Variants in ANO2 observed in about 807,000 individuals in gnomAD.
ANO2 encodes the protein anoctamin 2.
Under a neutral mutation model 124.2 loss-of-function variants are expected in ANO2, and 101 were observed. The observed-to-expected ratio is 0.81, with a 90% CI of 0.69 to 0.96. The LOEUF is 0.96. Among genes scored for constraint, ANO2 ranks in the 40% least tolerant of loss-of-function variants. The pLI, the probability that ANO2 is intolerant of heterozygous loss-of-function variation, is 0.00. For synonymous variants in ANO2, 486 were observed against 482.5 expected (o/e 1.01, Z -0.09); for missense variants, 1,293 against 1,274.5 (o/e 1.01, Z -0.22).
At position 5,635,573 on chromosome 12, in the gene ANO2, A is replaced by G. The variant is rs898432979; in HGVS notation, c.1621-226T>C. On this transcript the variant is annotated intron_variant, in intron 15 of 24. Coordinates refer to ENST00000682330, the MANE Select transcript of ANO2 (RefSeq NM_001364791.2). The surrounding 1 kb of genome is among the most constrained non-coding windows in gnomAD (Gnocchi z 5.2). Reference sequence around the variant, plus strand: ...GCATTTTCCAGGGGAGAATGTCTTAATTTTTGTCAGATTCCAAATGATTTA... The same window carrying G: ...GCATTTTCCAGGGGAGAATGTCTTAGTTTTTGTCAGATTCCAAATGATTTA... Among the ~76,000 whole-genome samples the G allele has an allele frequency of 6.7e-6, 1 of 149,634 alleles. No homozygotes were observed. Among genetic ancestry groups the G allele is most frequent in the Non-Finnish European group, 1.5e-5 (1 of 67,708 alleles).
At chr12:5,729,883 T>C (rs1259416584) in intron 14 of ANO2, among the ~76,000 whole-genome samples, 2 of 152,134 alleles carry the variant, frequency 1.3e-5, no homozygotes, top group Non-Finnish European at 2.9e-5. Flanking sequence ...TAAAAAAATG[T>C]TGCGAAGTGA....
chr12:5,744,136 A>G lies in ANO2; in HGVS notation c.1351+21T>C, dbSNP rs765301053. ...TGTAAAGGAACCACCCATATAAGCA[A>G]GCCTGGTGATGGCCACATACCCCAC... On this transcript the variant is annotated intron_variant, in intron 12 of 24. Transcript: ENST00000682330. 14 of 1,613,016 alleles carry G rather than the reference A, an allele frequency of 8.7e-6. 1 individual carries two copies. The South Asian group carries it at 1.5e-4, about 18-fold the overall frequency.
intron 10 of ANO2, among the ~76,000 whole-genome samples, chr12:5,793,527 T>A (rs1253412024): frequency 6.6e-6 from 1 of 152,198 alleles, no homozygotes; most frequent in Non-Finnish European, 1.5e-5. Flanking sequence ...CAGCTTTTCC[T>A]CCCTGGGGCA....
intron 3 of ANO2, among the ~76,000 whole-genome samples, chr12:5,859,837 C>G (rs972225500): frequency 2.0e-5 from 3 of 152,120 alleles, no homozygotes; most frequent in African/African-American, 7.2e-5. Context: ...TCTGACCTGT[C>G]CATTTCTTTT....
chr12:5,945,951 G>A (rs774541473), upstream of ANO2, among the ~76,000 whole-genome samples: 1 of 152,224 alleles, frequency 6.6e-6, no homozygotes, highest in Non-Finnish European at 1.5e-5. Flanking sequence ...TCCCCAGAGG[G>A]GAAGAGGAGT....
At position 5,807,352 on chromosome 12, in the gene ANO2, G is replaced by A. The variant is rs374607322; in HGVS notation, c.909C>T (p.Ile303=). Residue 303 remains isoleucine, a synonymous_variant, in exon 8 of 25, where the codon ATC becomes ATT. Transcript: ENST00000682330. The part of the protein sequence containing the change: ...ANNTMGINSL[I]ANNIYEAAYP... The stretch of plus-strand genomic sequence containing the variant: ...AGGCAGCCTCATAGATATTGTTTGC[G>A]ATCAGAGAGTTAATACCTACGGAAG... 22 of 1,556,684 alleles carry A rather than the reference G, an allele frequency of 1.4e-5. No individual in the cohort carries two copies. The highest frequency in any genetic ancestry group is 1.7e-4 in the Middle Eastern group (1 of 6,016).
chr12:5,569,871 G>A (rs1239229606), intron 23 of ANO2, among the ~76,000 whole-genome samples: 1 of 152,076 alleles, frequency 6.6e-6, no homozygotes, highest in African/African-American at 2.4e-5. Context: ...GCTGGGGTGG[G>A]GGCTGAGAAG....
intron 7 of ANO2, among the ~76,000 whole-genome samples, chr12:5,825,807 A>G (rs1316122219): frequency 6.6e-6 from 1 of 152,200 alleles, no homozygotes; most frequent in African/African-American, 2.4e-5. Flanking sequence ...GGAAACCACA[A>G]CAGCCCAATC....
At chr12:5,792,942 C>T (rs1952739354) in intron 10 of ANO2, among the ~76,000 whole-genome samples, 1 of 152,184 alleles carries the variant, frequency 6.6e-6, no homozygotes, top group Non-Finnish European at 1.5e-5. Flanking sequence ...AAGGCTCCTC[C>T]TCTTCCAAGT....
intron 20 of ANO2, 127 bp from the exon 21 acceptor site, chr12:5,578,645 C>G: frequency 1.1e-6 from 1 of 913,434 alleles, no homozygotes; most frequent in Non-Finnish European, 1.6e-6. Flanking sequence ...AATTTTTAGT[C>G]TCCCTTTTCC....
chr12:5,816,604 A>T (rs1186774137), intron 7 of ANO2, among the ~76,000 whole-genome samples: 1 of 152,164 alleles, frequency 6.6e-6, no homozygotes, highest in Non-Finnish European at 1.5e-5. Flanking sequence ...CCCAAGTTCT[A>T]GACTCATTTC....
At chr12:5,717,567 C>T (rs995573454) in intron 14 of ANO2, among the ~76,000 whole-genome samples, 32 of 152,198 alleles carry the variant, frequency 2.1e-4, no homozygotes, top group African/African-American at 7.7e-4. Context: ...AACTTAACAT[C>T]CTGAGCTTAC....
At chr12:5,666,746 A>G (rs1947744586) in intron 14 of ANO2, among the ~76,000 whole-genome samples, 1 of 152,098 alleles carries the variant, frequency 6.6e-6, no homozygotes, top group African/African-American at 2.4e-5. Context: ...TCAACCAAAG[A>G]GCGCCTTTGC....
chr12:5,688,108 G>A (rs985143397), intron 14 of ANO2, among the ~76,000 whole-genome samples: 1 of 152,154 alleles, frequency 6.6e-6, no homozygotes, highest in Non-Finnish European at 1.5e-5. Context: ...AGACCTTGTG[G>A]GGGGAACAGA....
intron 4 of ANO2, among the ~76,000 whole-genome samples, chr12:5,838,474 T>C (rs1954399430): frequency 6.6e-6 from 1 of 152,108 alleles, no homozygotes; most frequent in African/African-American, 2.4e-5. Flanking sequence ...CAGGTTCATA[T>C]CCACAATAAA....
intron 6 of ANO2, among the ~76,000 whole-genome samples, chr12:5,828,049 G>A (rs184895786): frequency 1.3e-5 from 2 of 152,258 alleles, no homozygotes; most frequent in East Asian, 3.9e-4. Flanking sequence ...CCGCCCCTTC[G>A]CCCCACCCTG....
At chr12:5,922,573 C>T (rs1418166707) in intron 2 of ANO2, 47 bp downstream of exon 2, 2 of 1,494,854 alleles carry the variant, frequency 1.3e-6, no homozygotes, top group African/African-American at 2.8e-5. Context: ...TGGTGGCCTG[C>T]AACAGGGCTG....
chr12:5,877,246 G>C (rs1470016822), intron 3 of ANO2, among the ~76,000 whole-genome samples: 1 of 152,152 alleles, frequency 6.6e-6, no homozygotes, highest in African/African-American at 2.4e-5. Flanking sequence ...GAGAGAAGAA[G>C]GCAATGTAAA....
chr12:5,705,142 T>C (rs1449239803), intron 14 of ANO2, among the ~76,000 whole-genome samples: 2 of 152,260 alleles, frequency 1.3e-5, no homozygotes, highest in Non-Finnish European at 2.9e-5. Context: ...ATATGTTTTA[T>C]GGGGAATGGA....
Sources: gnomAD v4.1 joint callset for allele counts (sites outside exome capture counted in the v4.1 genomes callset) on GRCh38, gnomAD v4.1.1 for gene constraint, Gnocchi (gnomAD v3.1) non-coding constraint, MANE v1.5 for transcripts, NCBI Gene and HGNC (gene_info 2026-07-23, HGNC 2026-07-21) for gene names.